Variants in C16orf46 observed in about 807,000 individuals in gnomAD.
C16orf46 encodes chromosome 16 open reading frame 46, also known as uncharacterized protein C16orf46.
C16orf46 carries 7 observed loss-of-function variants against 5.5 expected under a neutral mutation model. That is an observed-to-expected ratio of 1.28 (90% CI 0.73 to 2.40). C16orf46 has a LOEUF of 2.40. Ranked by LOEUF, C16orf46 falls within the 30% of genes most tolerant of loss-of-function variation. The probability of loss-of-function intolerance (pLI) is 0.00; values close to 1 mark genes in which losing one functional copy is unlikely to be tolerated. For missense variants in C16orf46, 614 were observed against 476.0 expected, an observed-to-expected ratio of 1.29 and a Z score of -2.70; for synonymous variants, 200 against 184.1, an observed-to-expected ratio of 1.09 and a Z score of -0.70.
At chr16:81,068,138 G>A (rs1365223003) in intron 1 of C16orf46, among the ~76,000 whole-genome samples, 1 of 152,220 alleles carries the variant, frequency 6.6e-6, no homozygotes, top group Non-Finnish European at 1.5e-5. Context: ...GAACTGAGAA[G>A]TACAAGACTA....
chr16:81,071,318 C>A (rs1971845357), intron 1 of C16orf46, among the ~76,000 whole-genome samples: 1 of 152,110 alleles, frequency 6.6e-6, no homozygotes, highest in Non-Finnish European at 1.5e-5. Context: ...GAGCGACCAA[C>A]TATCTGTGAT....
downstream of C16orf46, chr16:81,056,272 G>C (rs533099580): frequency 6.6e-6 from 1 of 152,100 alleles, no homozygotes; most frequent in Non-Finnish European, 1.5e-5. Context: ...TAACATCTTC[G>C]ACTTATCTCG....
chr16:81,055,694 AAAAAT>A (rs1283537117), intron 3 of C16orf46, among the ~76,000 whole-genome samples: 1 of 152,192 alleles, frequency 6.6e-6, no homozygotes, highest in Non-Finnish European at 1.5e-5. Context: ...CTCTGCCTCA[AAAAAT>A]AAAATAAGTA....
At chr16:81,055,486 G>C (rs1971267181) in intron 3 of C16orf46, 1 of 151,138 alleles carries the variant, frequency 6.6e-6, no homozygotes, top group Non-Finnish European at 1.5e-5. Context: ...TTGAGTCCAA[G>C]AGTTCGAGAC....
intron 1 of C16orf46, among the ~76,000 whole-genome samples, chr16:81,075,728 T>C (rs1351930435): frequency 3.3e-5 from 5 of 151,994 alleles, no homozygotes; most frequent in South Asian, 2.1e-4. Flanking sequence ...GAAAATAGAG[T>C]GTGCCACATG....
intron 3 of C16orf46, among the ~76,000 whole-genome samples, chr16:81,054,289 A>C (rs1971234154): frequency 6.6e-6 from 1 of 151,988 alleles, no homozygotes; most frequent in Middle Eastern, 3.4e-3. Flanking sequence ...AACAAAAAAA[A>C]ACAACAAAAA....
At chr16:81,058,579 G>T (rs1971372278), downstream of C16orf46, among the ~76,000 whole-genome samples, 1 of 152,344 alleles carries the variant, frequency 6.6e-6, no homozygotes, top group Admixed American at 6.5e-5. Context: ...ACCCATTAAA[G>T]AGTAAAGACC....
chr16:81,067,096 A>G (rs1405449725), intron 1 of C16orf46, among the ~76,000 whole-genome samples: 1 of 152,228 alleles, frequency 6.6e-6, no homozygotes, highest in African/African-American at 2.4e-5. Flanking sequence ...AACTGATCAA[A>G]GAACTTAAGA....
exon 4 of C16orf46, chr16:81,053,978 C>A (rs968210681): frequency 5.6e-5 from 76 of 1,354,354 alleles, no homozygotes; most frequent in Non-Finnish European, 4.7e-5. Flanking sequence ...TGGTGATCCG[C>A]CGCTTTTCCA....
At chr16:81,069,503 T>C (rs1971772487) in intron 1 of C16orf46, among the ~76,000 whole-genome samples, 1 of 152,136 alleles carries the variant, frequency 6.6e-6, no homozygotes, top group South Asian at 2.1e-4. Flanking sequence ...TTGACTTCAG[T>C]TCACATGTCA....
At chr16:81,053,953 T>TAGGAG in exon 4 of C16orf46, 3 of 1,098,464 alleles carry the variant, frequency 2.7e-6, no homozygotes. Flanking sequence ...TTGCAGCGTT[T>TAGGAG]GACTCTCTGC....
chr16:81,069,495 G>C (rs1009945424), intron 1 of C16orf46, among the ~76,000 whole-genome samples: 1 of 152,168 alleles, frequency 6.6e-6, no homozygotes, highest in African/African-American at 2.4e-5. Context: ...TCACTCATTT[G>C]ACTTCAGTTC....
intron 3 of C16orf46, chr16:81,055,419 C>T (rs1000038060): frequency 1.3e-5 from 2 of 152,044 alleles, no homozygotes; most frequent in Admixed American, 1.3e-4. Flanking sequence ...ACTAGTTGGG[C>T]ATGGGGGCTC....
Position 81,061,824 on chromosome 16 carries a change from C to G in C16orf46, c.525G>C (p.Trp175Cys). Residue 175 changes from tryptophan (W) to cysteine (C), a missense_variant, in exon 4 of 4, where the codon TGG (tryptophan) becomes TGC (cysteine). By Grantham distance (215) the Trp-to-Cys change is radical. Transcript: ENST00000299578. ...TGCCCCTATTAGTGCCGGGGATGGC[C>G]CAGTCTTTGTTGCACCAAATAAACT... Reference protein sequence around the residue: ...IKEFIWCNKDWAIPGTNRGKA... With the variant: ...IKEFIWCNKDCAIPGTNRGKA... 6.2e-7 allele frequency: 1 copy of G among 1,614,176 alleles called. No homozygotes were observed.
chr16:81,059,513 C>T (rs10468366), downstream of C16orf46, among the ~76,000 whole-genome samples: 10,944 of 152,172 alleles, frequency 0.072, 1,278 homozygotes, highest in African/African-American at 0.24. Flanking sequence ...TTAATGATTA[C>T]TCATATCACA....
intron 2 of C16orf46, among the ~76,000 whole-genome samples, chr16:81,065,674 C>A (rs2151752632): frequency 6.6e-6 from 1 of 152,190 alleles, no homozygotes; most frequent in African/African-American, 2.4e-5. Context: ...AGGGGACACC[C>A]ACTCCTTGCT....
intron 1 of C16orf46, among the ~76,000 whole-genome samples, chr16:81,075,497 G>T (rs117453038): frequency 1.1e-4 from 17 of 152,304 alleles, no homozygotes; most frequent in African/African-American, 4.1e-4. Context: ...GGCAGAGGCA[G>T]GAGAATCGCT....
At chr16:81,054,163 C>A in intron 3 of C16orf46, 2 of 1,435,772 alleles carry the variant, frequency 1.4e-6, no homozygotes, top group South Asian at 2.3e-5. Context: ...TGGCAGAAGT[C>A]AATGCATCTG....
At chr16:81,068,218 A>G (rs191471574) in intron 1 of C16orf46, among the ~76,000 whole-genome samples, 4 of 152,376 alleles carry the variant, frequency 2.6e-5, no homozygotes, top group Non-Finnish European at 4.4e-5. Flanking sequence ...TCTATAGAGT[A>G]TGAAGTGTCT....
Sources: allele counts gnomAD v4.1 joint callset (sites outside exome capture counted in the v4.1 genomes callset), GRCh38; gene constraint gnomAD v4.1.1; transcripts MANE v1.5; gene names NCBI Gene and HGNC (gene_info 2026-07-23, HGNC 2026-07-21).